Variants in MORF4L1 observed in about 807,000 individuals in gnomAD.
MORF4L1 encodes mortality factor 4 like 1.
MORF4L1 carries 4 observed loss-of-function variants against 52.9 expected under a neutral mutation model. The observed-to-expected ratio is 0.08, with a 90% CI of 0.04 to 0.17. MORF4L1 has a LOEUF of 0.17. Among genes scored for constraint, MORF4L1 ranks in the 10% least tolerant of loss-of-function variants. The pLI, the probability that MORF4L1 is intolerant of heterozygous loss-of-function variation, is 1.00. For missense variants in MORF4L1, 214 were observed against 390.4 expected (o/e 0.55, Z 3.81); for synonymous variants, 123 against 134.8 (o/e 0.91, Z 0.61).
intron 5 of MORF4L1, among the ~76,000 whole-genome samples, chr15:78,889,714 A>C (rs943482982): frequency 3.9e-5 from 6 of 152,214 alleles, no homozygotes; most frequent in Admixed American, 2.0e-4. Flanking sequence ...ACCTATACAC[A>C]GATTTTTGTG....
At chr15:78,884,990 C>T (rs781438754) in intron 3 of MORF4L1, 37 of 1,613,936 alleles carry the variant, frequency 2.3e-5, no homozygotes, top group Non-Finnish European at 3.0e-5. Context: ...CCCAGGCGCT[C>T]TGAAAAATCT....
At chr15:78,891,117 AT>A (rs773568636) in intron 6 of MORF4L1, 103 bp downstream of exon 6, 10 of 1,280,454 alleles carry the variant, frequency 7.8e-6, no homozygotes, top group Non-Finnish European at 1.1e-5. Context: ...ATGTTTATTG[AT>A]TATCTCAAAT....
At chr15:78,876,474 G>A (rs1439896177) in intron 1 of MORF4L1, 1 of 454,714 alleles carries the variant, frequency 2.2e-6, no homozygotes, top group Non-Finnish European at 4.4e-6. Context: ...TCCTCAGCTA[G>A]CTGTATATTT....
intron 3 of MORF4L1, among the ~76,000 whole-genome samples, chr15:78,883,713 T>C (rs958814012): frequency 1.3e-5 from 2 of 152,222 alleles, no homozygotes; most frequent in African/African-American, 4.8e-5. Context: ...ATGTCTTTGG[T>C]TGACTTGGCA....
At chr15:78,879,062 C>G (rs1341547006) in intron 2 of MORF4L1, among the ~76,000 whole-genome samples, 1 of 151,606 alleles carries the variant, frequency 6.6e-6, no homozygotes, top group Non-Finnish European at 1.5e-5. Flanking sequence ...TCTAAATACA[C>G]AGAAGTGTAT....
intron 3 of MORF4L1, among the ~76,000 whole-genome samples, chr15:78,881,037 A>G (rs972263530): frequency 6.6e-6 from 1 of 152,064 alleles, no homozygotes; most frequent in East Asian, 1.9e-4. Flanking sequence ...TGATTGGGAA[A>G]TAAAGACAGA....
At chr15:78,883,267 G>A (rs957036483) in intron 3 of MORF4L1, among the ~76,000 whole-genome samples, 1 of 150,764 alleles carries the variant, frequency 6.6e-6, no homozygotes, top group Non-Finnish European at 1.5e-5. Context: ...CTACGACAAG[G>A]GAATAGAATA....
intron 4 of MORF4L1, among the ~76,000 whole-genome samples, chr15:78,886,811 C>A (rs112557414): frequency 6.6e-6 from 1 of 151,950 alleles, no homozygotes; most frequent in African/African-American, 2.4e-5. Context: ...AAAAATTAGC[C>A]GGGCATGGTG....
chr15:78,894,746 C>A, intron 10 of MORF4L1, 74 bp from the exon 11 acceptor site: 1 of 1,135,090 alleles, frequency 8.8e-7, no homozygotes, highest in Non-Finnish European at 1.3e-6. Context: ...GGTGTTTGCT[C>A]ACATAATTAA....
At chr15:78,889,195 C>A (rs2056757030) in intron 5 of MORF4L1, among the ~76,000 whole-genome samples, 1 of 152,158 alleles carries the variant, frequency 6.6e-6, no homozygotes, top group South Asian at 2.1e-4. Flanking sequence ...GAAGCCTCTT[C>A]AAACTGGCTT....
chr15:78,890,179 AACAG>A (rs1314583410), intron 5 of MORF4L1, among the ~76,000 whole-genome samples: 5 of 152,052 alleles, frequency 3.3e-5, no homozygotes, highest in African/African-American at 9.7e-5. Context: ...GAGATCACCC[AACAG>A]ACAGAGCAAG....
chr15:78,887,207 G>T, intron 4 of MORF4L1, 62 bp from the exon 5 acceptor site: 5 of 1,417,856 alleles, frequency 3.5e-6, no homozygotes, highest in South Asian at 1.3e-5. Context: ...GAATCAGGCT[G>T]ACAATTTTTT....
intron 3 of MORF4L1, among the ~76,000 whole-genome samples, chr15:78,884,622 A>G (rs2056662522): frequency 6.9e-6 from 1 of 144,932 alleles, no homozygotes; most frequent in South Asian, 2.3e-4. Flanking sequence ...CAGGGCAACG[A>G]GAGCGCAACT....
chr15:78,895,111 G>A (rs1265842849), intron 11 of MORF4L1, among the ~76,000 whole-genome samples: 2 of 152,246 alleles, frequency 1.3e-5, no homozygotes, highest in Non-Finnish European at 2.9e-5. Context: ...GTAGGGGAAA[G>A]CAGTGGAGTC....
intron 3 of MORF4L1, among the ~76,000 whole-genome samples, chr15:78,880,972 TA>T (rs893504317): frequency 6.6e-5 from 10 of 151,490 alleles, no homozygotes; most frequent in East Asian, 3.9e-4. Flanking sequence ...GCAGCTGTGC[TA>T]AAAAAAACTA....
At chr15:78,876,169 C>G (rs1272225191) in intron 1 of MORF4L1, among the ~76,000 whole-genome samples, 1 of 151,838 alleles carries the variant, frequency 6.6e-6, no homozygotes, top group Non-Finnish European at 1.5e-5. Context: ...ATCTCCTGAC[C>G]TCGTGATCCG....
At chr15:78,894,697 T>G in intron 10 of MORF4L1, 123 bp from the exon 11 acceptor site, 1 of 776,794 alleles carries the variant, frequency 1.3e-6, no homozygotes, top group South Asian at 1.6e-5. Flanking sequence ...CGTGAGCCAC[T>G]ATGCCCGGCC....
chr15:78,893,102 G>C (rs781726292), intron 8 of MORF4L1: 1 of 153,630 alleles, frequency 6.5e-6, no homozygotes, highest in South Asian at 2.0e-4. Context: ...ATGAGAGGAC[G>C]AAAAGATAAT....
chr15:78,873,507 G>T (rs2056412229), intron 1 of MORF4L1, among the ~76,000 whole-genome samples: 1 of 152,134 alleles, frequency 6.6e-6, no homozygotes, highest in East Asian at 1.9e-4. Flanking sequence ...GCTTCCTGGA[G>T]CCCCGGGGTG....
Sources: gnomAD v4.1 joint callset for allele counts (sites outside exome capture counted in the v4.1 genomes callset) on GRCh38, gnomAD v4.1.1 for gene constraint, MANE v1.5 for transcripts, NCBI Gene and HGNC (gene_info 2026-07-23, HGNC 2026-07-21) for gene names.